Variants in MSL2 observed in about 807,000 individuals in gnomAD.
The protein encoded by MSL2 is E3 ubiquitin-protein ligase MSL2.
In MSL2, 2 loss-of-function variants were observed where a neutral mutation model predicts 35.8. The observed-to-expected ratio is 0.06, with a 90% confidence interval of 0.02 to 0.18. MSL2 has a LOEUF of 0.18. MSL2 is among the 10% of genes least tolerant of loss of function. The pLI is 1.00. For synonymous variants in MSL2, 296 were observed against 255.7 expected (o/e 1.16, Z -1.50); for missense variants, 523 against 706.7 (o/e 0.74, Z 2.95).
At chr3:136,181,860 A>C (rs781481912) in intron 1 of MSL2, among the ~76,000 whole-genome samples, 11 of 152,106 alleles carry the variant, frequency 7.2e-5, no homozygotes, top group Non-Finnish European at 1.5e-4. Flanking sequence ...CGAAGGTTGC[A>C]GTGAGCCAAC....
In MSL2 at chr3:136,151,113, C is replaced by T; in HGVS notation, c.*34G>A. ...AGCTGCCGTAAAACTGTAGCTATTT[C>T]CCTACCAGGAGTAGGTTTAAAAGAC... On this transcript the variant is annotated 3_prime_UTR_variant, in exon 2 of 2. Transcript: ENST00000309993. The surrounding 1 kb of genome is among the most constrained non-coding windows in gnomAD (Gnocchi z 5.2). 6.3e-7 allele frequency: 1 copy of T among 1,590,098 alleles called. No individual in the cohort carries two copies. Among genetic ancestry groups the T allele is most frequent in the Non-Finnish European group, 8.6e-7 (1 of 1,163,364 alleles).
intron 1 of MSL2, among the ~76,000 whole-genome samples, chr3:136,169,863 C>G (rs1171163257): frequency 2.6e-5 from 4 of 151,904 alleles, no homozygotes; most frequent in Non-Finnish European, 4.4e-5. Flanking sequence ...TCAAGACCAG[C>G]CTGGTCAACA....
chr3:136,156,800 A>G (rs1939540567), intron 1 of MSL2, among the ~76,000 whole-genome samples: 1 of 152,202 alleles, frequency 6.6e-6, no homozygotes, highest in South Asian at 2.1e-4. Context: ...GCTTGCAGTG[A>G]GCCAAGATGG....
At chr3:136,164,854 GACTC>G (rs1203529103) in intron 1 of MSL2, among the ~76,000 whole-genome samples, 2 of 151,864 alleles carry the variant, frequency 1.3e-5, no homozygotes. Flanking sequence ...TACAAAAAAA[GACTC>G]ACTCAAAATA....
chr3:136,181,912 C>CT (rs199574074), intron 1 of MSL2, among the ~76,000 whole-genome samples: 3,824 of 139,016 alleles, frequency 0.028, 170 homozygotes, highest in African/African-American at 0.096. Flanking sequence ...GAGTGAGACT[C>CT]TGTCTCAAAA....
intron 1 of MSL2, 61 bp from the exon 2 acceptor site, chr3:136,152,799 T>C: frequency 1.3e-6 from 2 of 1,562,988 alleles, no homozygotes. Flanking sequence ...TTTCATAAAC[T>C]GAAGTTTAGA....
chr3:136,171,206 C>T (rs1189633153), intron 1 of MSL2, among the ~76,000 whole-genome samples: 1 of 152,136 alleles, frequency 6.6e-6, no homozygotes, highest in African/African-American at 2.4e-5. Context: ...GTCACTGTTA[C>T]AAGTCAGATT....
rs10684427 is a variant in MSL2 at position 136,190,542 on chromosome 3, C to CAA, written c.142+4428_142+4429dup. On this transcript the variant is annotated intron_variant, in intron 1 of 1. Coordinates refer to ENST00000309993, the MANE Select transcript of MSL2 (RefSeq NM_018133.4). ...CCTGGGTGACAAAACAAGATTGTCTCAAAAAAAAAAAAAAAGGAAAATATT... is the reference window on the plus strand; with the variant it reads ...CCTGGGTGACAAAACAAGATTGTCTCAAAAAAAAAAAAAAAAAGGAAAATATT... 8.8e-3 allele frequency among the ~76,000 whole-genome samples: 1,054 copies of CAA among 119,998 alleles called. 12 individuals are homozygous for CAA. The highest frequency in any genetic ancestry group is 0.028 in the African/African-American group (884 of 31,960). The allele number at this position is 119,998 out of a possible 152,430, so 78.7% of individuals were successfully genotyped here.
chr3:136,153,128 T>C, intron 1 of MSL2: 1 of 879,720 alleles, frequency 1.1e-6, no homozygotes, highest in Non-Finnish European at 1.4e-6. Context: ...TAATCCCAGC[T>C]ATTCAGGAGG....
In MSL2 at chr3:136,151,010, A is replaced by G. The variant is rs1939346734; in HGVS notation, c.*137T>C. 1.1e-6 allele frequency: 1 copy of G among 938,716 alleles called. No individual in the cohort carries two copies. Among genetic ancestry groups the G allele is most frequent in the South Asian group, 1.6e-5 (1 of 62,134 alleles). 58.1% of individuals were successfully genotyped at this position (938,716 alleles called of 1,614,324 possible). A position where few individuals can be genotyped will look rare whatever the true frequency, so the allele number is the denominator to read the frequency against. On this transcript the variant is annotated 3_prime_UTR_variant, in exon 2 of 2. Transcript: ENST00000309993. This position sits in a 1 kb window ranked among gnomAD's most constrained non-coding sequence, Gnocchi z 5.2. Reference sequence around the variant, plus strand: ...CAAACTATTTCCCCGACACTAACACATATAACTTAGCAATGAAAACACTTG... The same window carrying G: ...CAAACTATTTCCCCGACACTAACACGTATAACTTAGCAATGAAAACACTTG...
rs370140094 is a variant in MSL2 at position 136,152,531 on chromosome 3, C to T, written c.350G>A (p.Arg117Gln). Residue 117 changes from arginine to glutamine, a missense_variant, in exon 2 of 2, where the codon CGG becomes CAG. By Grantham distance (43) the Arg-to-Gln change is conservative. Coordinates refer to ENST00000309993, the MANE Select transcript of MSL2 (RefSeq NM_018133.4). ...ACAGTCAACTGCTTCTATTATATCC[C>T]GTGCCAGTGTAGTCTGTGTTATATA... ...CEYITQTTLARDIIEAVDCSS... is the reference protein window; with the variant it reads ...CEYITQTTLAQDIIEAVDCSS... The T allele has an allele frequency of 8.7e-6, 14 of 1,614,006 alleles. No individual in the cohort carries two copies. The Admixed American group carries it at 1.7e-4, about 19-fold the overall frequency.
At chr3:136,187,656 C>G (rs1284892202) in intron 1 of MSL2, among the ~76,000 whole-genome samples, 4 of 150,364 alleles carry the variant, frequency 2.7e-5, no homozygotes, top group African/African-American at 9.8e-5. Flanking sequence ...GGTGACAGGG[C>G]AAGACTCCGT....
intron 1 of MSL2, among the ~76,000 whole-genome samples, chr3:136,183,270 A>C (rs750081428): frequency 3.3e-5 from 5 of 152,214 alleles, no homozygotes; most frequent in Non-Finnish European, 7.3e-5. Context: ...TGAAATTTAT[A>C]TTAAGCCAAA....
At chr3:136,175,930 T>C (rs1940159877) in intron 1 of MSL2, among the ~76,000 whole-genome samples, 1 of 152,112 alleles carries the variant, frequency 6.6e-6, no homozygotes, top group Non-Finnish European at 1.5e-5. Context: ...TAGCAAGGCA[T>C]TCTCAAACCT....
intron 1 of MSL2, among the ~76,000 whole-genome samples, chr3:136,188,693 TCCAGCCTGGGGAAGAGAGCAAG>T (rs1456348060): frequency 5.9e-5 from 8 of 135,140 alleles, no homozygotes; most frequent in African/African-American, 2.3e-4. Context: ...GCCACTGCAC[TCCAGCCTGGGGAAGAGAGCAAG>T]ACCCTGTCTC....
intron 1 of MSL2, among the ~76,000 whole-genome samples, chr3:136,159,945 C>T (rs1267880308): frequency 6.6e-6 from 1 of 151,702 alleles, no homozygotes; most frequent in Non-Finnish European, 1.5e-5. Flanking sequence ...AAATTAAAAA[C>T]TTACTGTGCT....
In MSL2 at chr3:136,195,678, G is replaced by T; in HGVS notation, c.-565C>A. 1 of 985,460 alleles carries T rather than the reference G, an allele frequency of 1.0e-6. No homozygotes were observed. Among genetic ancestry groups the T allele is most frequent in the Non-Finnish European group, 1.2e-6 (1 of 830,008 alleles). The allele number at this position is 985,460 out of a possible 1,614,324, so 61.0% of individuals were successfully genotyped here. On this transcript the variant is annotated 5_prime_UTR_variant, in exon 1 of 2. Transcript: ENST00000309993. ...TAGTGCAAGACGCCGCGGCGGCGAC[G>T]AAGGTTGATGTTGCGGCTGGCGGAC...
chr3:136,183,754 A>G (rs1355903695), intron 1 of MSL2, among the ~76,000 whole-genome samples: 1 of 152,196 alleles, frequency 6.6e-6, no homozygotes, highest in African/African-American at 2.4e-5. Context: ...TTATGATAAA[A>G]CTCTGAAGAG....
chr3:136,193,257 T>TA (rs1413721182), intron 1 of MSL2, among the ~76,000 whole-genome samples: 1 of 152,158 alleles, frequency 6.6e-6, no homozygotes, highest in Non-Finnish European at 1.5e-5. Flanking sequence ...AATAGGAACT[T>TA]AAAACCTCTG....
Sources: allele counts gnomAD v4.1 joint callset (sites outside exome capture counted in the v4.1 genomes callset), GRCh38; gene constraint gnomAD v4.1.1; non-coding constraint Gnocchi (gnomAD v3.1); transcripts MANE v1.5; gene names NCBI Gene and HGNC (gene_info 2026-07-23, HGNC 2026-07-21).